PUDP: variants seen among roughly 807,000 people sequenced by gnomAD.
PUDP encodes pseudouridine-5'-phosphatase.
A neutral mutation model predicts 9.4 loss-of-function variants in PUDP; 8 were observed. The ratio of observed to expected loss-of-function variants is 0.85; its 90% confidence interval spans 0.50 to 1.53. The LOEUF is 1.53. PUDP is among the 40% of genes most tolerant of loss of function. PUDP has a pLI of 0.00. For synonymous variants in PUDP, 99 were observed against 80.7 expected, an observed-to-expected ratio of 1.23 and a Z score of -1.22; for missense variants, 188 against 189.7, an observed-to-expected ratio of 0.99 and a Z score of 0.05.
chrX:6,823,728 C>T (rs1351155701), intron 3 of PUDP, among the ~76,000 whole-genome samples: 1 of 112,590 alleles, frequency 8.9e-6, no homozygotes, highest in African/African-American at 3.2e-5. Flanking sequence ...ATGCTTATTT[C>T]CTGATGATAT....
At chrX:6,955,368 ATG>A (rs1392880045) in intron 3 of PUDP, among the ~76,000 whole-genome samples, 2 of 110,648 alleles carry the variant, frequency 1.8e-5, no homozygotes, top group African/African-American at 6.6e-5. Flanking sequence ...CTACAGGTGC[ATG>A]CCACCATGCC....
chrX:6,929,875 C>A (rs934523158), intron 3 of PUDP, among the ~76,000 whole-genome samples: 1 of 111,836 alleles, frequency 8.9e-6, no homozygotes, highest in East Asian at 2.8e-4. Flanking sequence ...TTCCTGCCCC[C>A]AGTCCTGTCT....
chrX:7,024,754 C>CTTTTTTTTTTTTT lies in PUDP; in HGVS notation c.205-46424_205-46412dup, dbSNP rs55692944. ...GGCGCTCGCCACCTCGCCCGGCTAA[C>CTTTTTTTTTTTTT]TTTTTTTTTTTTTTTTTTAGTAGAG... On this transcript the variant is annotated intron_variant and NMD_transcript_variant, in intron 1 of 3. Coordinates refer to the PUDP transcript ENST00000655425. 2.9e-3 allele frequency among the ~76,000 whole-genome samples: 158 copies of CTTTTTTTTTTTTT among 54,444 alleles called. 28 individuals are homozygous for CTTTTTTTTTTTTT. Among genetic ancestry groups the CTTTTTTTTTTTTT allele is most frequent in the African/African-American group, 4.8e-3 (64 of 13,220 alleles). 47.3% of individuals were successfully genotyped at this position (54,444 alleles called of 115,157 possible).
chrX:7,021,878 A>G (rs1357563958), intron 1 of PUDP, among the ~76,000 whole-genome samples: 1 of 112,407 alleles, frequency 8.9e-6, no homozygotes, highest in Non-Finnish European at 1.9e-5. Flanking sequence ...TCAGAACAAT[A>G]TAGTATGGCT....
intron 3 of PUDP, among the ~76,000 whole-genome samples, chrX:6,752,973 T>G (rs1052796778): frequency 1.8e-5 from 2 of 111,678 alleles, no homozygotes; most frequent in Non-Finnish European, 3.8e-5. Flanking sequence ...AATTTGTAAC[T>G]GATATGGTTT....
At chrX:6,856,177 C>T (rs773904501) in intron 3 of PUDP, among the ~76,000 whole-genome samples, 32 of 111,369 alleles carry the variant, frequency 2.9e-4, no homozygotes, top group Non-Finnish European at 5.6e-5. Context: ...GAAAAGAAAG[C>T]TGCTCTGTTC....
At position 6,807,426 on chromosome X, in the gene PUDP, A is replaced by G. The variant is rs954904888; in HGVS notation, c.*248-100960T>C. Among the ~76,000 whole-genome samples, 3 of 112,328 alleles carry G rather than the reference A, an allele frequency of 2.7e-5. No homozygotes were observed. The East Asian group carries it at 8.4e-4, about 31-fold the overall frequency. Reference sequence around the variant, plus strand: ...CGACCTAAATTAAATTGCTGACCGCATTATTTGTGAGTCCAAATTTAGCTT... The same window carrying G: ...CGACCTAAATTAAATTGCTGACCGCGTTATTTGTGAGTCCAAATTTAGCTT... On this transcript the variant is annotated intron_variant and NMD_transcript_variant, in intron 3 of 3. Transcript: ENST00000655425.
chrX:6,978,431 T>C (rs1298041265), intron 1 of PUDP, among the ~76,000 whole-genome samples: 1 of 112,225 alleles, frequency 8.9e-6, no homozygotes, highest in Non-Finnish European at 1.9e-5. Context: ...CTGTTAACAT[T>C]TTTGGAAAAA....
At chrX:7,141,953 A>G (rs1932799599) in intron 1 of PUDP, among the ~76,000 whole-genome samples, 1 of 112,446 alleles carries the variant, frequency 8.9e-6, no homozygotes, top group Non-Finnish European at 1.9e-5. Flanking sequence ...TAAGCCCACT[A>G]TTAAGAATTA....
intron 1 of PUDP, among the ~76,000 whole-genome samples, chrX:7,124,791 C>CA (rs1569166522): frequency 9.1e-6 from 1 of 109,698 alleles, no homozygotes; most frequent in African/African-American, 3.3e-5. Flanking sequence ...CTAAAAAATA[C>CA]AAAAAAATTA....
chrX:6,945,555 T>C (rs1436680308), intron 3 of PUDP, among the ~76,000 whole-genome samples: 2 of 111,500 alleles, frequency 1.8e-5, no homozygotes, highest in Admixed American at 1.9e-4. Context: ...ATGGTCAATA[T>C]ACACAAAGAA....
At chrX:6,877,002 C>T (rs1220197200) in intron 3 of PUDP, among the ~76,000 whole-genome samples, 3 of 109,957 alleles carry the variant, frequency 2.7e-5, no homozygotes, top group Non-Finnish European at 5.7e-5. Context: ...CAGGGTCTTA[C>T]TCTGTGGTCC....
At chrX:6,719,580 T>G (rs1924637719) in intron 1 of PUDP, among the ~76,000 whole-genome samples, 1 of 112,017 alleles carries the variant, frequency 8.9e-6, no homozygotes. Flanking sequence ...GGTGAAGGTG[T>G]TAAGATTGGT....
chrX:6,843,618 C>T (rs1330057669), intron 3 of PUDP, among the ~76,000 whole-genome samples: 5 of 111,564 alleles, frequency 4.5e-5, no homozygotes, highest in South Asian at 3.8e-4. Flanking sequence ...AACAGCATGT[C>T]GATGAGCGAT....
At chrX:6,798,522 G>A (rs1269359884) in intron 3 of PUDP, among the ~76,000 whole-genome samples, 1 of 111,271 alleles carries the variant, frequency 9.0e-6, no homozygotes, top group Non-Finnish European at 1.9e-5. Flanking sequence ...TGGAAAAAAG[G>A]GTAAAAGAAA....
intron 1 of PUDP, among the ~76,000 whole-genome samples, chrX:7,147,166 C>T (rs1932882249): frequency 9.0e-6 from 1 of 110,581 alleles, no homozygotes; most frequent in Non-Finnish European, 1.9e-5. Context: ...TTCTTAATGC[C>T]TCGGATTGAT....
chrX:6,919,436 A>T (rs1927984139), intron 3 of PUDP, among the ~76,000 whole-genome samples: 1 of 111,627 alleles, frequency 9.0e-6, no homozygotes, highest in South Asian at 3.8e-4. Context: ...CCAAACTCTA[A>T]GCGCTTGCCA....
intron 1 of PUDP, among the ~76,000 whole-genome samples, chrX:7,143,938 G>A (rs1305523064): frequency 2.7e-5 from 3 of 111,358 alleles, no homozygotes; most frequent in Non-Finnish European, 5.7e-5. Context: ...AAACCCAAGG[G>A]TACACTGTCA....
At chrX:6,788,232 CTTT>C (rs1452047705) in intron 3 of PUDP, among the ~76,000 whole-genome samples, 493 of 112,290 alleles carry the variant, frequency 4.4e-3, no homozygotes, top group Non-Finnish European at 7.5e-3. Flanking sequence ...ATAGTCAACA[CTTT>C]ATTATAAAAT....
Sources: gnomAD v4.1 joint callset for allele counts (sites outside exome capture counted in the v4.1 genomes callset) on GRCh38, gnomAD v4.1.1 for gene constraint, MANE v1.5 for transcripts, NCBI Gene and HGNC (gene_info 2026-07-23, HGNC 2026-07-21) for gene names.